The following PCSK6 variants were observed in gnomAD, a reference collection of about 807,000 sequenced individuals.
The protein encoded by PCSK6 is paired basic amino acid cleaving enzyme 4.
A neutral mutation model predicts 123.3 loss-of-function variants in PCSK6; 85 were observed. The observed-to-expected ratio is 0.69, with a 90% confidence interval of 0.58 to 0.83. PCSK6 has a LOEUF of 0.83. Among genes scored for constraint, PCSK6 ranks in the 40% least tolerant of loss-of-function variants. PCSK6 has a pLI of 0.00. For synonymous variants in PCSK6, 508 were observed against 516.0 expected (o/e 0.98, Z 0.21); for missense variants, 1,191 against 1,282.3 (o/e 0.93, Z 1.09).
In PCSK6 at chr15:101,489,600, G is replaced by GCGGTGT. The variant is rs2058124905; in HGVS notation, c.65_70dup (p.Asp22_Thr23dup). 1 of 976,144 alleles carries GCGGTGT rather than the reference G, an allele frequency of 1.0e-6. No homozygotes were observed. The highest frequency in any genetic ancestry group is 1.2e-6 in the Non-Finnish European group (1 of 825,558). The allele number at this position is 976,144 out of a possible 1,614,324, so 60.5% of individuals were successfully genotyped here. Reference sequence around the variant, plus strand: ...GCCCCCCGCGCCCCCCGCGCCCGCGGCGGTGTCGGTGGCGGCGGCGGCCCG... The same window carrying GCGGTGT: ...GCCCCCCGCGCCCCCCGCGCCCGCGGCGGTGTCGGTGTCGGTGGCGGCGGCGGCCCG... On this transcript the variant is annotated inframe_insertion, in exon 1 of 22. Coordinates refer to ENST00000611716, the MANE Select transcript of PCSK6 (RefSeq NM_002570.5).
At chr15:101,347,697 T>C (rs368183908) in intron 13 of PCSK6, 32 of 1,607,202 alleles carry the variant, frequency 2.0e-5, no homozygotes, top group Non-Finnish European at 2.6e-5. Context: ...TTTGGTCATC[T>C]GTCCCTCTGC....
At chr15:101,386,052 G>A (rs748078822) in intron 9 of PCSK6, among the ~76,000 whole-genome samples, 12 of 151,082 alleles carry the variant, frequency 7.9e-5, no homozygotes, top group Admixed American at 2.6e-4. Flanking sequence ...CCCAGGGCTC[G>A]TTGGGATGCA....
chr15:101,392,767 T>TA (rs1409216046), intron 8 of PCSK6, among the ~76,000 whole-genome samples: 1 of 152,156 alleles, frequency 6.6e-6, no homozygotes, highest in Non-Finnish European at 1.5e-5. Context: ...AGTGCTTCTG[T>TA]AGCAACAGAA....
chr15:101,355,752 G>T (rs1484390604), intron 13 of PCSK6, among the ~76,000 whole-genome samples: 1 of 152,278 alleles, frequency 6.6e-6, no homozygotes, highest in African/African-American at 2.4e-5. Flanking sequence ...GTCATGAGGA[G>T]GTGCAGGGAC....
At position 101,391,516 on chromosome 15, in the gene PCSK6, C is replaced by T. The variant is rs376582063; in HGVS notation, c.1209+1696G>A. 2.1e-4 allele frequency among the ~76,000 whole-genome samples: 32 copies of T among 152,232 alleles called. 2 individuals carry two copies. Among genetic ancestry groups the T allele is most frequent in the Admixed American group, 1.6e-3 (25 of 15,290 alleles). On this transcript the variant is annotated intron_variant, in intron 8 of 21. Transcript: ENST00000611716. ...ACACAGCTCGTGTTCAGTGAACGAA[C>T]ATACCCTCTTGTTCTGGTGAGAGAT...
At chr15:101,351,153 G>A (rs1402865571) in intron 13 of PCSK6, among the ~76,000 whole-genome samples, 4 of 152,164 alleles carry the variant, frequency 2.6e-5, no homozygotes, top group African/African-American at 7.2e-5. Context: ...GTGACGTCAC[G>A]TGAAAAGCTT....
chr15:101,332,975 T>A (rs546085261), intron 13 of PCSK6, among the ~76,000 whole-genome samples: 1 of 152,336 alleles, frequency 6.6e-6, no homozygotes, highest in South Asian at 2.1e-4. Context: ...GCCAGATGCA[T>A]TCAGTACACT....
At chr15:101,451,547 T>C (rs1457060073) in intron 1 of PCSK6, among the ~76,000 whole-genome samples, 1 of 151,326 alleles carries the variant, frequency 6.6e-6, no homozygotes, top group Non-Finnish European at 1.5e-5. Context: ...AGATGAGGCT[T>C]CTGACTTTGC....
At chr15:101,431,730 C>T (rs1281798569) in intron 3 of PCSK6, among the ~76,000 whole-genome samples, 2 of 152,192 alleles carry the variant, frequency 1.3e-5, no homozygotes, top group Non-Finnish European at 2.9e-5. Context: ...TGGGCTTTGC[C>T]ATTTAGTCAT....
At chr15:101,376,657 T>C (rs1053961635) in intron 11 of PCSK6, among the ~76,000 whole-genome samples, 9 of 152,164 alleles carry the variant, frequency 5.9e-5, no homozygotes, top group African/African-American at 2.2e-4. Context: ...ATTTTAGAAA[T>C]AAGTAGCCTT....
intron 21 of PCSK6, among the ~76,000 whole-genome samples, chr15:101,306,150 G>A (rs893654241): frequency 5.3e-5 from 8 of 152,118 alleles, no homozygotes; most frequent in African/African-American, 1.7e-4. Context: ...GGGGGGAAGG[G>A]AGCCGCCGTG....
At chr15:101,473,090 C>A (rs545100721) in intron 1 of PCSK6, among the ~76,000 whole-genome samples, 1 of 152,112 alleles carries the variant, frequency 6.6e-6, no homozygotes, top group South Asian at 2.1e-4. Flanking sequence ...CTTTTCTTTT[C>A]TAGAGACAGA....
At chr15:101,384,041 G>T in intron 10 of PCSK6, 1 of 891,502 alleles carries the variant, frequency 1.1e-6, no homozygotes, top group Non-Finnish European at 1.3e-6. Flanking sequence ...GGCTTAAAGA[G>T]AACTATGAGT....
chr15:101,456,268 A>G (rs936461304), intron 1 of PCSK6, among the ~76,000 whole-genome samples: 5 of 139,974 alleles, frequency 3.6e-5, no homozygotes, highest in African/African-American at 1.3e-4. Context: ...CAGCTTATCA[A>G]CAGGGACTTG....
intron 7 of PCSK6, among the ~76,000 whole-genome samples, chr15:101,394,975 C>T (rs948370920): frequency 1.3e-5 from 2 of 152,192 alleles, no homozygotes; most frequent in Non-Finnish European, 2.9e-5. Context: ...GAGAAAGGCA[C>T]AAAGAGCTCA....
intron 13 of PCSK6, among the ~76,000 whole-genome samples, chr15:101,342,555 T>C (rs2040638447): frequency 6.6e-6 from 1 of 152,256 alleles, no homozygotes; most frequent in African/African-American, 2.4e-5. Context: ...TTGAGTGAGA[T>C]TGGCTGAAAA....
At chr15:101,442,763 T>C (rs1341796464) in intron 2 of PCSK6, among the ~76,000 whole-genome samples, 1 of 152,234 alleles carries the variant, frequency 6.6e-6, no homozygotes, top group Non-Finnish European at 1.5e-5. Context: ...CCTCCGTTCC[T>C]TGCTGGGGCT....
chr15:101,318,280 G>A (rs1442429960), intron 19 of PCSK6, 39 bp downstream of exon 19: 1 of 1,443,826 alleles, frequency 6.9e-7, no homozygotes, highest in South Asian at 1.2e-5. Context: ...CTACGCTTGG[G>A]TGACGCTGGC....
intron 6 of PCSK6, among the ~76,000 whole-genome samples, chr15:101,412,971 C>G (rs544429506): frequency 6.7e-6 from 1 of 149,354 alleles, no homozygotes; most frequent in South Asian, 2.1e-4. Context: ...CTGAGCAACA[C>G]AGCGAGACCC....
Sources: allele counts gnomAD v4.1 joint callset (sites outside exome capture counted in the v4.1 genomes callset), GRCh38; gene constraint gnomAD v4.1.1; transcripts MANE v1.5; gene names NCBI Gene and HGNC (gene_info 2026-07-23, HGNC 2026-07-21).